The following RGS7 variants were observed in gnomAD, a reference collection of about 807,000 sequenced individuals.
The protein encoded by RGS7 is regulator of G protein signaling 7.
A neutral mutation model predicts 81.1 loss-of-function variants in RGS7; 27 were observed. The observed-to-expected ratio is 0.33, with a 90% confidence interval of 0.25 to 0.46. The LOEUF (loss-of-function observed/expected upper bound fraction) is 0.46, where lower values mean the gene tolerates loss of function less well. Among genes scored for constraint, RGS7 ranks in the 20% least tolerant of loss-of-function variants. The pLI is 1.00. For synonymous variants in RGS7, 208 were observed against 207.7 expected (o/e 1.00, Z -0.01); for missense variants, 396 against 607.4 (o/e 0.65, Z 3.66).
At chr1:240,886,842 C>T (rs534977685) in intron 6 of RGS7, among the ~76,000 whole-genome samples, 1 of 152,276 alleles carries the variant, frequency 6.6e-6, no homozygotes, top group Non-Finnish European at 1.5e-5. Context: ...CCTCTGATCA[C>T]TAATATGGAA....
chr1:240,998,830 C>T (rs1288038222), intron 3 of RGS7: 1 of 578,320 alleles, frequency 1.7e-6, no homozygotes, highest in Non-Finnish European at 3.3e-6. Context: ...CTGCCGGACG[C>T]GGATGGACCG....
In RGS7 at chr1:240,887,627, T is replaced by C. The variant is rs150978851; in HGVS notation, c.386-17508A>G. Among the ~76,000 whole-genome samples the C allele has an allele frequency of 1.4e-4, 21 of 152,324 alleles. 1 individual carries two copies. The highest frequency in any genetic ancestry group is 3.4e-3 in the Middle Eastern group (1 of 294). On this transcript the variant is annotated intron_variant, in intron 6 of 18. Transcript: ENST00000440928. Reference sequence around the variant, plus strand: ...TCTTCCTTGTAGAACTGCAATGAATTTGCACTGCCAAGATTTGTAAACAAT... The same window carrying C: ...TCTTCCTTGTAGAACTGCAATGAATCTGCACTGCCAAGATTTGTAAACAAT...
rs114873988 is a variant in RGS7 at position 241,286,584 on chromosome 1, C to T, written c.78+69115G>A. On this transcript the variant is annotated intron_variant, in intron 2 of 18. Transcript: ENST00000440928. ...CTGTTCCATAACAAAGAGATTATATCAAACCTACCTCCCCAGGAATCAGTC... is the reference window on the plus strand; with the variant it reads ...CTGTTCCATAACAAAGAGATTATATTAAACCTACCTCCCCAGGAATCAGTC... Among the ~76,000 whole-genome samples, 616 of 152,278 alleles carry T rather than the reference C, an allele frequency of 4.0e-3. 5 individuals are homozygous for T. Among genetic ancestry groups the T allele is most frequent in the African/African-American group, 0.014 (602 of 41,548 alleles).
chr1:241,003,237 G>A (rs534688280), intron 3 of RGS7, among the ~76,000 whole-genome samples: 6 of 152,162 alleles, frequency 3.9e-5, no homozygotes, highest in South Asian at 4.2e-4. Context: ...CAAGGCAGGC[G>A]GATCATGAGT....
intron 2 of RGS7, among the ~76,000 whole-genome samples, chr1:241,132,886 C>A (rs904356164): frequency 1.1e-4 from 16 of 152,072 alleles, no homozygotes; most frequent in African/African-American, 3.9e-4. Flanking sequence ...CCTCAGCCTC[C>A]CAAGTAGCTG....
intron 2 of RGS7, among the ~76,000 whole-genome samples, chr1:241,264,319 G>A (rs189312169): frequency 3.3e-5 from 5 of 152,250 alleles, no homozygotes; most frequent in East Asian, 3.9e-4. Flanking sequence ...CCAACATGGT[G>A]AAAGCCCATC....
In RGS7 at chr1:241,271,980, T is replaced by G. The variant is rs2077929509; in HGVS notation, c.78+83719A>C. On this transcript the variant is annotated intron_variant, in intron 2 of 18. Coordinates refer to ENST00000440928, the MANE Select transcript of RGS7 (RefSeq NM_001364886.1). This position sits in a 1 kb window ranked among gnomAD's most constrained non-coding sequence, Gnocchi z 4.6. ...CTCTGGAGAACCCTGACTACTAGAA[T>G]TTCTTTTTTTTTTTTTTTATTTTTA... 6.8e-5 allele frequency among the ~76,000 whole-genome samples: 3 copies of G among 44,214 alleles called. No individual in the cohort carries two copies. In the Admixed American group the frequency reaches 1.0e-3, roughly 15 times the overall value. The allele number at this position is 44,214 out of a possible 152,430, so 29.0% of individuals were successfully genotyped here. A position where few individuals can be genotyped will look rare whatever the true frequency, so the allele number is the denominator to read the frequency against.
In RGS7 at chr1:240,818,217, C is replaced by A. The variant is rs76606273; in HGVS notation, c.685-1802G>T. On this transcript the variant is annotated intron_variant, in intron 10 of 18. Coordinates refer to ENST00000440928, the MANE Select transcript of RGS7 (RefSeq NM_001364886.1). ...AGCCCTTTTATTTCATTTATTTTTT[C>A]ACTCATTCATTCATTCATTCAACAT... Among the ~76,000 whole-genome samples the A allele has an allele frequency of 7.4e-3, 1,123 of 152,122 alleles. 13 individuals are homozygous for A. The highest frequency in any genetic ancestry group is 0.025 in the African/African-American group (1,056 of 41,492).
At chr1:241,237,566 T>C (rs925513684) in intron 2 of RGS7, among the ~76,000 whole-genome samples, 2 of 152,100 alleles carry the variant, frequency 1.3e-5, no homozygotes, top group Admixed American at 1.3e-4. Context: ...ACTTCCTTGA[T>C]AGGAAGATAA....
chr1:240,838,828 G>A (rs1385383722), intron 9 of RGS7, among the ~76,000 whole-genome samples: 6 of 151,464 alleles, frequency 4.0e-5, no homozygotes, highest in Admixed American at 3.9e-4. Flanking sequence ...GTGCAGTGGC[G>A]CCATCTCGGC....
chr1:241,313,965 T>C (rs938674629), intron 2 of RGS7, among the ~76,000 whole-genome samples: 1 of 152,166 alleles, frequency 6.6e-6, no homozygotes, highest in African/African-American at 2.4e-5. Context: ...TGTGACTAAA[T>C]TGTTGTAATC....
chr1:241,323,255 A>G (rs1196569953), intron 2 of RGS7, among the ~76,000 whole-genome samples: 1 of 152,242 alleles, frequency 6.6e-6, no homozygotes, highest in Non-Finnish European at 1.5e-5. Flanking sequence ...ATCAAGTTCT[A>G]AATAATATGC....
chr1:240,939,912 A>C (rs1558498630), intron 4 of RGS7, among the ~76,000 whole-genome samples: 1 of 152,016 alleles, frequency 6.6e-6, no homozygotes, highest in Admixed American at 6.6e-5. Context: ...TCTACTAAAA[A>C]AAATAAAAAA....
chr1:241,314,399 C>A (rs2080740199), intron 2 of RGS7, among the ~76,000 whole-genome samples: 1 of 152,206 alleles, frequency 6.6e-6, no homozygotes. Context: ...CAATTGTGAA[C>A]AATTTTTAGC....
intron 3 of RGS7, among the ~76,000 whole-genome samples, chr1:241,021,547 T>C (rs1311114198): frequency 2.0e-5 from 3 of 152,180 alleles, no homozygotes; most frequent in Admixed American, 2.0e-4. Context: ...AGAATACGTA[T>C]CCAGTTTCAG....
chr1:240,842,699 T>C (rs1658290216), intron 9 of RGS7, among the ~76,000 whole-genome samples: 1 of 152,196 alleles, frequency 6.6e-6, no homozygotes, highest in Non-Finnish European at 1.5e-5. Context: ...AAAGTTCTTC[T>C]GATATATCAA....
At chr1:241,042,500 T>C (rs1030000354) in intron 3 of RGS7, among the ~76,000 whole-genome samples, 3 of 151,028 alleles carry the variant, frequency 2.0e-5, no homozygotes, top group African/African-American at 7.2e-5. Flanking sequence ...TAACTTTAAA[T>C]AGCATATTTT....
intron 2 of RGS7, among the ~76,000 whole-genome samples, chr1:241,143,000 AG>A (rs1198667644): frequency 9.9e-5 from 15 of 152,202 alleles, no homozygotes; most frequent in Admixed American, 9.8e-4. Flanking sequence ...CAAATATCTC[AG>A]GCAGGAGCAA....
At chr1:241,043,623 A>G (rs534690338) in intron 3 of RGS7, among the ~76,000 whole-genome samples, 1 of 147,486 alleles carries the variant, frequency 6.8e-6, no homozygotes, top group African/African-American at 2.5e-5. Flanking sequence ...GTTATATTTT[A>G]TATAATACAT....
Sources: allele counts gnomAD v4.1 joint callset (sites outside exome capture counted in the v4.1 genomes callset), GRCh38; gene constraint gnomAD v4.1.1; non-coding constraint Gnocchi (gnomAD v3.1); transcripts MANE v1.5; gene names NCBI Gene and HGNC (gene_info 2026-07-23, HGNC 2026-07-21).